NSRP1: variants seen among roughly 807,000 people sequenced by gnomAD.
NSRP1 encodes coiled-coil domain containing 55.
A neutral mutation model predicts 54.7 loss-of-function variants in NSRP1; 24 were observed. That is an observed-to-expected ratio of 0.44 (90% CI 0.32 to 0.62). NSRP1 has a LOEUF of 0.62. Among genes scored for constraint, NSRP1 ranks in the 20% least tolerant of loss-of-function variants. The pLI, the probability that NSRP1 is intolerant of heterozygous loss-of-function variation, is 0.06. For synonymous variants in NSRP1, 210 were observed against 213.8 expected (o/e 0.98, Z 0.15); for missense variants, 596 against 651.2 (o/e 0.92, Z 0.92).
In NSRP1 at chr17:30,184,808, A is replaced by G. The variant is rs1467766691; in HGVS notation, c.811A>G (p.Lys271Glu). Residue 271 changes from lysine to glutamate, a missense_variant, in exon 7 of 7, where the codon AAG (lysine) becomes GAG (glutamate). Lys to Glu is a moderately conservative substitution (Grantham distance 56, BLOSUM62 1). Transcript: ENST00000247026. Reference protein sequence around the residue: ...EETRVNCRREKVIETPENDFK... With the variant: ...EETRVNCRREEVIETPENDFK... ...AACTAGAGTGAACTGCAGAAGGGAA[A>G]AGGTCATAGAGACCCCTGAGAATGA... is the stretch of plus-strand genomic sequence containing the variant. 2.5e-6 allele frequency: 4 copies of G among 1,613,868 alleles called. No homozygotes were observed. The highest frequency in any genetic ancestry group is 2.5e-6 in the Non-Finnish European group (3 of 1,179,954).
chr17:30,127,957 C>A, intron 2 of NSRP1: 1 of 397,856 alleles, frequency 2.5e-6, no homozygotes, highest in Non-Finnish European at 4.4e-6. Flanking sequence ...ACCTCAGCCT[C>A]CCAAGTAGCT....
chr17:30,173,704 T>C (rs1373358491), intron 3 of NSRP1, among the ~76,000 whole-genome samples: 1 of 152,214 alleles, frequency 6.6e-6, no homozygotes, highest in Non-Finnish European at 1.5e-5. Flanking sequence ...GATAGATGCT[T>C]TTATAATCCT....
At chr17:30,125,207 T>G (rs1226886379) in intron 2 of NSRP1, among the ~76,000 whole-genome samples, 1 of 151,678 alleles carries the variant, frequency 6.6e-6, no homozygotes, top group East Asian at 1.9e-4. Context: ...AAAAAAAGAT[T>G]AAAAAAAAAT....
At chr17:30,138,159 G>A (rs774218539) in intron 2 of NSRP1, among the ~76,000 whole-genome samples, 6 of 152,032 alleles carry the variant, frequency 3.9e-5, no homozygotes, top group Non-Finnish European at 5.9e-5. Context: ...ATGTCCTCAG[G>A]GTTCATCCAT....
intron 5 of NSRP1, 53 bp downstream of exon 5, chr17:30,179,350 C>T (rs573507724): frequency 3.2e-5 from 47 of 1,484,414 alleles, no homozygotes; most frequent in Non-Finnish European, 4.0e-5. Flanking sequence ...AATCTCTCCC[C>T]TGTGGTTAGC....
At chr17:30,153,219 T>G (rs142007933) in intron 2 of NSRP1, among the ~76,000 whole-genome samples, 1 of 152,220 alleles carries the variant, frequency 6.6e-6, no homozygotes, top group African/African-American at 2.4e-5. Flanking sequence ...GCCCGGCCTA[T>G]TTTCGGCATT....
intron 2 of NSRP1, among the ~76,000 whole-genome samples, chr17:30,170,972 A>G (rs1904910080): frequency 6.6e-6 from 1 of 152,146 alleles, no homozygotes; most frequent in African/African-American, 2.4e-5. Flanking sequence ...TAGCCATTCT[A>G]ACAGGTGTGA....
rs868645446 is a variant in NSRP1, at chr17:30,182,705, C to T, written c.617+1689C>T. 4.6e-5 allele frequency among the ~76,000 whole-genome samples: 7 copies of T among 152,022 alleles called. No individual in the cohort carries two copies. The Middle Eastern group carries it at 0.014, about 295-fold the overall frequency. On this transcript the variant is annotated intron_variant, in intron 6 of 6. Coordinates refer to ENST00000247026, the MANE Select transcript of NSRP1 (RefSeq NM_032141.4). ...ATCCCAGCACTTTGGGAGGCCAAGG[C>T]GGGCGGATTGCGAGGTCAGGAGATT... is the stretch of plus-strand genomic sequence containing the variant.
At chr17:30,176,413 A>G (rs1271678965) in intron 3 of NSRP1, among the ~76,000 whole-genome samples, 1 of 152,086 alleles carries the variant, frequency 6.6e-6, no homozygotes, top group Non-Finnish European at 1.5e-5. Flanking sequence ...GTTCGAGAAC[A>G]GCTTGACCAA....
chr17:30,151,954 A>G (rs950395906), intron 2 of NSRP1, among the ~76,000 whole-genome samples: 1 of 151,184 alleles, frequency 6.6e-6, no homozygotes, highest in East Asian at 1.9e-4. Context: ...TTTTTAGTAG[A>G]TACAGGGTTT....
intron 2 of NSRP1, among the ~76,000 whole-genome samples, chr17:30,138,371 G>T (rs1431564793): frequency 6.6e-6 from 1 of 152,042 alleles, no homozygotes; most frequent in Admixed American, 6.6e-5. Flanking sequence ...ACTGGTTTGA[G>T]GTCCTTCCTC....
At chr17:30,129,374 A>G (rs952901470) in intron 2 of NSRP1, among the ~76,000 whole-genome samples, 6 of 151,734 alleles carry the variant, frequency 4.0e-5, no homozygotes, top group African/African-American at 1.2e-4. Flanking sequence ...AAATCATATT[A>G]TTATTTTGTT....
At chr17:30,138,916 T>TTG (rs1360729990) in intron 2 of NSRP1, among the ~76,000 whole-genome samples, 2 of 129,492 alleles carry the variant, frequency 1.5e-5, no homozygotes, top group Admixed American at 7.9e-5. Flanking sequence ...AGCGTTTTTT[T>TTG]TTTTTTTTTT....
In NSRP1 at chr17:30,179,254, A is replaced by T. The variant is rs1412328781; in HGVS notation, c.465A>T (p.Arg155Ser). The part of the protein sequence containing the change: ...TSAYKKKLQE[R>S]AEEEEREKRA... Reference sequence around the variant, plus strand: ...CATATAAGAAAAAACTGCAAGAGAGAGCTGAAGAAGAAGAAAGAGAAAAGA... The same window carrying T: ...CATATAAGAAAAAACTGCAAGAGAGTGCTGAAGAAGAAGAAAGAGAAAAGA... The change falls in exon 5 of 7, where the codon AGA becomes AGT. Residue 155 changes from arginine (R) to serine (S), a missense_variant. By Grantham distance (110) the Arg-to-Ser change is moderately radical. Transcript: ENST00000247026. 6.2e-7 allele frequency: 1 copy of T among 1,600,350 alleles called. No homozygotes were observed. Among genetic ancestry groups the T allele is most frequent in the Non-Finnish European group, 8.5e-7 (1 of 1,173,224 alleles).
intron 2 of NSRP1, among the ~76,000 whole-genome samples, chr17:30,133,673 C>G (rs1438729836): frequency 6.6e-6 from 1 of 152,206 alleles, no homozygotes; most frequent in African/African-American, 2.4e-5. Flanking sequence ...CAATAGAAGG[C>G]TGTTTTGTCT....
chr17:30,185,523 A>T lies in NSRP1; in HGVS notation c.1526A>T (p.Lys509Met), dbSNP rs758847520. The change falls in exon 7 of 7, where the codon AAG (lysine) becomes ATG (methionine). Residue 509 changes from lysine to methionine, a missense_variant. Coordinates refer to ENST00000247026, the MANE Select transcript of NSRP1 (RefSeq NM_032141.4). Reference protein sequence around the residue: ...KHRLTEEGQEKGKEQERPPEA... With the variant: ...KHRLTEEGQEMGKEQERPPEA... ...AGACTCACAGAGGAAGGGCAAGAGAAGGGTAAAGAACAAGAGAGACCACCT... is the reference window on the plus strand; with the variant it reads ...AGACTCACAGAGGAAGGGCAAGAGATGGGTAAAGAACAAGAGAGACCACCT... The T allele has an allele frequency of 3.1e-6, 5 of 1,614,078 alleles. No individual in the cohort carries two copies. The highest frequency in any genetic ancestry group is 1.6e-4 in the Middle Eastern group (1 of 6,084).
At chr17:30,148,361 G>A (rs11080118) in intron 2 of NSRP1, among the ~76,000 whole-genome samples, 84,606 of 152,080 alleles carry the variant, frequency 0.56, 24,321 homozygotes, top group East Asian at 0.82. Context: ...CTATAAGTGG[G>A]AAAGGCTTTG....
chr17:30,139,967 T>C (rs1178225976), intron 2 of NSRP1, among the ~76,000 whole-genome samples: 1 of 152,076 alleles, frequency 6.6e-6, no homozygotes, highest in Non-Finnish European at 1.5e-5. Flanking sequence ...GAGCTTGCAG[T>C]GAACCGAGAT....
At chr17:30,165,967 G>A (rs1046316891) in intron 2 of NSRP1, among the ~76,000 whole-genome samples, 1 of 151,872 alleles carries the variant, frequency 6.6e-6, no homozygotes, top group African/African-American at 2.4e-5. Flanking sequence ...AATATTGTTT[G>A]CATGCTTTTC....
Sources: gnomAD v4.1 joint callset for allele counts (sites outside exome capture counted in the v4.1 genomes callset) on GRCh38, gnomAD v4.1.1 for gene constraint, MANE v1.5 for transcripts, NCBI Gene and HGNC (gene_info 2026-07-23, HGNC 2026-07-21) for gene names.